The following MAPK4 variants were observed in gnomAD, a reference collection of about 807,000 sequenced individuals.
MAPK4 encodes Erk3-related.
Under a neutral mutation model 47.7 loss-of-function variants are expected in MAPK4, and 22 were observed. That is an observed-to-expected ratio of 0.46 (90% CI 0.33 to 0.66). The LOEUF (loss-of-function observed/expected upper bound fraction) is 0.66, where lower values mean the gene tolerates loss of function less well. Among genes scored for constraint, MAPK4 ranks in the 30% least tolerant of loss-of-function variants. The pLI, the probability that MAPK4 is intolerant of heterozygous loss-of-function variation, is 0.02. For synonymous variants in MAPK4, 390 were observed against 365.7 expected (o/e 1.07, Z -0.76); for missense variants, 736 against 831.7 (o/e 0.88, Z 1.42).
intron 2 of MAPK4, among the ~76,000 whole-genome samples, chr18:50,672,869 GC>G (rs1908035513): frequency 1.3e-5 from 2 of 152,178 alleles, no homozygotes; most frequent in South Asian, 4.1e-4. Context: ...TCAGCAACTG[GC>G]CCAGCTATCT....
intron 3 of MAPK4, among the ~76,000 whole-genome samples, chr18:50,721,277 C>T (rs926305545): frequency 2.0e-5 from 3 of 152,080 alleles, no homozygotes; most frequent in African/African-American, 7.2e-5. Context: ...CAGCAGTCAG[C>T]GTGATGCCTG....
chr18:50,634,062 C>T (rs1327851906), intron 1 of MAPK4, among the ~76,000 whole-genome samples: 2 of 152,088 alleles, frequency 1.3e-5, no homozygotes, highest in Non-Finnish European at 2.9e-5. Context: ...TTCCAGCTCC[C>T]TGTGGTTCCC....
At chr18:50,700,739 A>G (rs1413963581) in intron 2 of MAPK4, among the ~76,000 whole-genome samples, 1 of 152,124 alleles carries the variant, frequency 6.6e-6, no homozygotes, top group Non-Finnish European at 1.5e-5. Flanking sequence ...TCTCGGGTGC[A>G]TTGCTAAGTG....
intron 1 of MAPK4, among the ~76,000 whole-genome samples, chr18:50,626,405 G>T (rs2042778533): frequency 6.6e-6 from 1 of 152,136 alleles, no homozygotes; most frequent in Admixed American, 6.5e-5. Flanking sequence ...CTTGGGGATG[G>T]CTTGGGCATC....
intron 1 of MAPK4, among the ~76,000 whole-genome samples, chr18:50,614,155 T>A (rs549633448): frequency 4.6e-5 from 7 of 152,148 alleles, no homozygotes; most frequent in Non-Finnish European, 7.4e-5. Context: ...ATACATATAA[T>A]TCATAAATTA....
chr18:50,625,819 A>T (rs1255681758), intron 1 of MAPK4, among the ~76,000 whole-genome samples: 1 of 151,624 alleles, frequency 6.6e-6, no homozygotes, highest in Non-Finnish European at 1.5e-5. Flanking sequence ...TTCTTGGCTT[A>T]AGTGTTGTTA....
At chr18:50,573,723 C>A (rs2042270353) in intron 1 of MAPK4, among the ~76,000 whole-genome samples, 1 of 152,188 alleles carries the variant, frequency 6.6e-6, no homozygotes, top group Non-Finnish European at 1.5e-5. Flanking sequence ...AGACTAATTT[C>A]TCATTAGAAA....
At chr18:50,686,132 CT>C (rs756638661) in intron 2 of MAPK4, among the ~76,000 whole-genome samples, 17 of 152,132 alleles carry the variant, frequency 1.1e-4, no homozygotes, top group Non-Finnish European at 2.4e-4. Context: ...TCGTGTTACT[CT>C]TTGGTTTTTA....
intron 1 of MAPK4, among the ~76,000 whole-genome samples, chr18:50,638,171 G>C (rs1194928654): frequency 1.3e-5 from 2 of 152,084 alleles, no homozygotes; most frequent in South Asian, 4.1e-4. Flanking sequence ...ATGCGAGTGA[G>C]CATTGGGTGG....
chr18:50,626,056 C>G (rs1293272414), intron 1 of MAPK4, among the ~76,000 whole-genome samples: 1 of 152,110 alleles, frequency 6.6e-6, no homozygotes, highest in Non-Finnish European at 1.5e-5. Context: ...AGCCTGAAGG[C>G]CATCCACTGG....
chr18:50,578,414 G>A (rs2042316426), intron 1 of MAPK4, among the ~76,000 whole-genome samples: 1 of 152,230 alleles, frequency 6.6e-6, no homozygotes, highest in South Asian at 2.1e-4. Flanking sequence ...ATAGGATAGG[G>A]TCCAAGAATA....
intron 1 of MAPK4, among the ~76,000 whole-genome samples, chr18:50,657,521 T>C (rs1198793557): frequency 6.6e-6 from 1 of 152,142 alleles, no homozygotes; most frequent in Non-Finnish European, 1.5e-5. Flanking sequence ...TATTTGAGCC[T>C]TGAGATGACT....
intron 1 of MAPK4, among the ~76,000 whole-genome samples, chr18:50,594,449 C>A (rs914195073): frequency 6.6e-6 from 1 of 152,154 alleles, no homozygotes; most frequent in Non-Finnish European, 1.5e-5. Flanking sequence ...TAGAAACACA[C>A]CCATACATTT....
At chr18:50,651,345 C>T (rs1310017261) in intron 1 of MAPK4, among the ~76,000 whole-genome samples, 1 of 152,206 alleles carries the variant, frequency 6.6e-6, no homozygotes, top group African/African-American at 2.4e-5. Context: ...CTCTCCCTCT[C>T]TCACCATGTG....
intron 1 of MAPK4, among the ~76,000 whole-genome samples, chr18:50,634,550 A>G (rs905995972): frequency 8.6e-5 from 13 of 152,034 alleles, no homozygotes; most frequent in African/African-American, 3.1e-4. Flanking sequence ...GACTTACATC[A>G]GTTATTAGAG....
At chr18:50,592,271 G>A (rs141441711) in intron 1 of MAPK4, among the ~76,000 whole-genome samples, 1 of 152,272 alleles carries the variant, frequency 6.6e-6, no homozygotes, top group East Asian at 1.9e-4. Flanking sequence ...AACTGTGTTG[G>A]TTCCTTATTT....
chr18:50,629,037 C>T (rs1204020808), intron 1 of MAPK4, among the ~76,000 whole-genome samples: 1 of 152,134 alleles, frequency 6.6e-6, no homozygotes, highest in Non-Finnish European at 1.5e-5. Context: ...ATACCTAATG[C>T]GGAAGGGTAG....
chr18:50,722,879 C>T (rs1426700765), intron 4 of MAPK4, among the ~76,000 whole-genome samples: 1 of 152,134 alleles, frequency 6.6e-6, no homozygotes, highest in Non-Finnish European at 1.5e-5. Flanking sequence ...CTCCTGAGAA[C>T]CCTTCCAGAA....
intron 2 of MAPK4, among the ~76,000 whole-genome samples, chr18:50,668,272 G>A (rs1056237957): frequency 1.3e-5 from 2 of 152,120 alleles, no homozygotes; most frequent in Non-Finnish European, 1.5e-5. Context: ...ATTCTTATTC[G>A]CCCACCCAGC....
Sources: allele counts gnomAD v4.1 joint callset (sites outside exome capture counted in the v4.1 genomes callset), GRCh38; gene constraint gnomAD v4.1.1; transcripts MANE v1.5; gene names NCBI Gene and HGNC (gene_info 2026-07-23, HGNC 2026-07-21).